The following MDGA2 variants were observed in gnomAD, a reference collection of about 807,000 sequenced individuals.
The protein encoded by MDGA2 is MAM domain-containing glycosylphosphatidylinositol anchor protein 2.
In MDGA2, 40 loss-of-function variants were observed where a neutral mutation model predicts 117.8. That is an observed-to-expected ratio of 0.34 (90% CI 0.26 to 0.44). The LOEUF (loss-of-function observed/expected upper bound fraction) is 0.44, where lower values mean the gene tolerates loss of function less well. Among genes scored for constraint, MDGA2 ranks in the 20% least tolerant of loss-of-function variants. MDGA2 has a pLI of 1.00. For missense variants in MDGA2, 1,123 were observed against 1,250.6 expected (o/e 0.90, Z 1.54); for synonymous variants, 452 against 439.0 (o/e 1.03, Z -0.37).
At chr14:46,845,940 C>A in intron 15 of MDGA2, 69 bp from the exon 16 acceptor site, 1 of 1,151,582 alleles carries the variant, frequency 8.7e-7, no homozygotes, top group Non-Finnish European at 1.3e-6. Context: ...CTTGAGAAAT[C>A]AAGGTGACAA....
intron 3 of MDGA2, among the ~76,000 whole-genome samples, chr14:47,187,430 C>T (rs1884951022): frequency 6.6e-6 from 1 of 152,000 alleles, no homozygotes; most frequent in African/African-American, 2.4e-5. Context: ...AGGTGACTTA[C>T]ATGCATTTTT....
intron 8 of MDGA2, among the ~76,000 whole-genome samples, chr14:46,968,929 A>G (rs921965374): frequency 6.6e-6 from 1 of 152,106 alleles, no homozygotes; most frequent in Non-Finnish European, 1.5e-5. Flanking sequence ...TAGTGTTTCT[A>G]TATACCAATA....
rs114615430 is a variant in MDGA2, at chr14:47,641,254, C to T, written c.280+33263G>A. On this transcript the variant is annotated intron_variant, in intron 1 of 16. Transcript: ENST00000399232. ...CATTAGCTTGATTCCTAAATGACCA[C>T]GTCTGGTCTAAAGGACAAAACAGGT... Among the ~76,000 whole-genome samples, 969 of 152,206 alleles carry T rather than the reference C, an allele frequency of 6.4e-3. 9 individuals are homozygous for T. The highest frequency in any genetic ancestry group is 0.022 in the African/African-American group (909 of 41,558).
intron 1 of MDGA2, among the ~76,000 whole-genome samples, chr14:47,372,759 T>A (rs1891391242): frequency 6.6e-6 from 1 of 151,896 alleles, no homozygotes; most frequent in African/African-American, 2.4e-5. Context: ...ATGTAAAAAA[T>A]GATTATCGTA....
chr14:47,661,648 C>T (rs893493482), intron 1 of MDGA2, among the ~76,000 whole-genome samples: 1 of 151,702 alleles, frequency 6.6e-6, no homozygotes, highest in Non-Finnish European at 1.5e-5. Context: ...ATACACATTA[C>T]TGTAATGCAG....
intron 2 of MDGA2, among the ~76,000 whole-genome samples, chr14:47,243,702 G>C (rs529140880): frequency 1.3e-5 from 2 of 151,716 alleles, no homozygotes; most frequent in South Asian, 2.1e-4. Flanking sequence ...CATCAGAAGG[G>C]AGAGACTCCA....
At chr14:47,369,880 G>A (rs1891308759) in intron 1 of MDGA2, among the ~76,000 whole-genome samples, 1 of 151,460 alleles carries the variant, frequency 6.6e-6, no homozygotes, top group Non-Finnish European at 1.5e-5. Flanking sequence ...TTTTTAATAG[G>A]TTTATAATAT....
chr14:47,295,156 A>G (rs1889021144), intron 2 of MDGA2, among the ~76,000 whole-genome samples: 3 of 152,200 alleles, frequency 2.0e-5, no homozygotes, highest in African/African-American at 7.2e-5. Context: ...ATTCAAATGA[A>G]ATCTTACCCA....
At chr14:47,069,711 CTGTT>C (rs1425902637) in intron 6 of MDGA2, among the ~76,000 whole-genome samples, 43 of 152,226 alleles carry the variant, frequency 2.8e-4, no homozygotes, top group African/African-American at 5.1e-4. Context: ...AGATAGTTGT[CTGTT>C]TGTTTTGTTT....
intron 1 of MDGA2, among the ~76,000 whole-genome samples, chr14:47,526,151 G>C (rs1248159373): frequency 6.6e-6 from 1 of 151,816 alleles, no homozygotes. Flanking sequence ...TCTATTTCTT[G>C]AAAATATTAA....
chr14:47,670,742 CTT>C (rs1478254147), intron 1 of MDGA2, among the ~76,000 whole-genome samples: 2 of 152,070 alleles, frequency 1.3e-5, no homozygotes, highest in African/African-American at 4.8e-5. Context: ...CATTTAATGA[CTT>C]TTTGTTATCC....
chr14:47,212,401 C>T (rs1885917373), intron 3 of MDGA2, among the ~76,000 whole-genome samples: 8 of 152,098 alleles, frequency 5.3e-5, no homozygotes. Context: ...AGGTAAAAAT[C>T]TTCACATCTG....
At chr14:47,507,808 GA>G (rs1894547003) in intron 1 of MDGA2, among the ~76,000 whole-genome samples, 1 of 151,958 alleles carries the variant, frequency 6.6e-6, no homozygotes, top group Admixed American at 6.6e-5. Context: ...AATAACTGAA[GA>G]AAATTAAATT....
At chr14:46,972,243 T>C (rs75885574) in intron 8 of MDGA2, among the ~76,000 whole-genome samples, 5,914 of 152,228 alleles carry the variant, frequency 0.039, 384 homozygotes, top group African/African-American at 0.14. Flanking sequence ...CAGTTAGTGC[T>C]GGAGAATTGG....
chr14:47,137,416 T>G (rs1436184577), intron 4 of MDGA2, among the ~76,000 whole-genome samples: 1 of 152,060 alleles, frequency 6.6e-6, no homozygotes, highest in African/African-American at 2.4e-5. Context: ...AGACCCCTCA[T>G]GAATAGATGA....
At chr14:47,577,535 T>C (rs1368671900) in intron 1 of MDGA2, among the ~76,000 whole-genome samples, 1 of 152,160 alleles carries the variant, frequency 6.6e-6, no homozygotes, top group African/African-American at 2.4e-5. Flanking sequence ...TTGTGCAATC[T>C]ACCCATGTGA....
At chr14:47,366,383 G>T (rs967836156) in intron 1 of MDGA2, among the ~76,000 whole-genome samples, 1 of 152,010 alleles carries the variant, frequency 6.6e-6, no homozygotes, top group Non-Finnish European at 1.5e-5. Context: ...AAGGAAAAGG[G>T]GGCTGTTCTA....
intron 1 of MDGA2, among the ~76,000 whole-genome samples, chr14:47,312,707 T>TTTTTTTTTTTG (rs1386156259): frequency 6.9e-6 from 1 of 145,374 alleles, no homozygotes; most frequent in East Asian, 2.0e-4. Context: ...TGTTTTTTTT[T>TTTTTTTTTTTG]TTTGTAGAGA....
At chr14:47,169,222 G>A (rs868697042) in intron 3 of MDGA2, among the ~76,000 whole-genome samples, 3 of 151,840 alleles carry the variant, frequency 2.0e-5, no homozygotes, top group South Asian at 2.1e-4. Context: ...TTATGAGTTC[G>A]ATATGACCAA....
Sources: gnomAD v4.1 joint callset for allele counts (sites outside exome capture counted in the v4.1 genomes callset) on GRCh38, gnomAD v4.1.1 for gene constraint, MANE v1.5 for transcripts, NCBI Gene and HGNC (gene_info 2026-07-23, HGNC 2026-07-21) for gene names.